RGS3: variants seen among roughly 807,000 people sequenced by gnomAD.
RGS3 encodes the protein regulator of G protein signaling 3.
Under a neutral mutation model 132.6 loss-of-function variants are expected in RGS3, and 80 were observed. That is an observed-to-expected ratio of 0.60 (90% CI 0.50 to 0.73). RGS3 has a LOEUF of 0.73. Among genes scored for constraint, RGS3 ranks in the 30% least tolerant of loss-of-function variants. The probability of loss-of-function intolerance (pLI) is 0.00; values close to 1 mark genes in which losing one functional copy is unlikely to be tolerated. For synonymous variants in RGS3, 598 were observed against 620.6 expected, an observed-to-expected ratio of 0.96 and a Z score of 0.54; for missense variants, 1,382 against 1,530.8, an observed-to-expected ratio of 0.90 and a Z score of 1.62.
At chr9:113,465,981 CAA>C (rs1358055777) in intron 3 of RGS3, among the ~76,000 whole-genome samples, 1 of 152,154 alleles carries the variant, frequency 6.6e-6, no homozygotes, top group Non-Finnish European at 1.5e-5. Flanking sequence ...TGCTTATGAG[CAA>C]AGATTCCTAT....
chr9:113,536,018 C>G (rs1393497653), intron 18 of RGS3, among the ~76,000 whole-genome samples: 1 of 152,160 alleles, frequency 6.6e-6, no homozygotes, highest in Non-Finnish European at 1.5e-5. Flanking sequence ...CAGAGCTTAC[C>G]AAGGCCATTG....
chr9:113,476,283 G>T (rs1043614653), intron 3 of RGS3, among the ~76,000 whole-genome samples: 12 of 151,964 alleles, frequency 7.9e-5, no homozygotes, highest in Admixed American at 7.9e-4. Context: ...TGGGGGTAGA[G>T]TTCTAATCTC....
At chr9:113,555,086 T>C (rs2118775359) in intron 19 of RGS3, among the ~76,000 whole-genome samples, 1 of 152,342 alleles carries the variant, frequency 6.6e-6, no homozygotes, top group South Asian at 2.1e-4. Flanking sequence ...TCTTCACTTA[T>C]CATAGACCAA....
intron 3 of RGS3, among the ~76,000 whole-genome samples, chr9:113,473,540 G>A (rs540298611): frequency 4.3e-4 from 65 of 152,140 alleles, no homozygotes; most frequent in Middle Eastern, 3.4e-3. Flanking sequence ...ACACCACCAC[G>A]TCCGGCTAAT....
At chr9:113,532,769 C>T (rs1210510858) in intron 18 of RGS3, among the ~76,000 whole-genome samples, 1 of 152,182 alleles carries the variant, frequency 6.6e-6, no homozygotes, top group Non-Finnish European at 1.5e-5. Flanking sequence ...GTGGCTCTCT[C>T]ACTGTGAGAG....
intron 6 of RGS3, 107 bp from the exon 5 acceptor site, chr9:113,485,518 T>C: frequency 2.8e-6 from 2 of 718,396 alleles, no homozygotes; most frequent in East Asian, 5.4e-5. Context: ...TTTAACCAGC[T>C]GTTGACGTTA....
chr9:113,453,384 TTATA>T (rs1165863431), intron 1 of RGS3, among the ~76,000 whole-genome samples: 1 of 68,404 alleles, frequency 1.5e-5, no homozygotes, highest in Non-Finnish European at 2.6e-5. Flanking sequence ...CATTATATGA[TTATA>T]TAATATACTC....
intron 10 of RGS3, 59 bp downstream of exon 8, chr9:113,498,139 C>A: frequency 6.5e-7 from 1 of 1,540,686 alleles, no homozygotes; most frequent in South Asian, 1.1e-5. Context: ...TTGACAGCCC[C>A]TGGGCCCGGG....
chr9:113,472,988 C>G (rs1209385357), intron 3 of RGS3, among the ~76,000 whole-genome samples: 1 of 152,156 alleles, frequency 6.6e-6, no homozygotes, highest in African/African-American at 2.4e-5. Flanking sequence ...TTACAGTGAG[C>G]TGAGATCATG....
intron 16 of RGS3, among the ~76,000 whole-genome samples, chr9:113,518,169 A>G (rs1831769629): frequency 6.6e-6 from 1 of 151,986 alleles, no homozygotes; most frequent in African/African-American, 2.4e-5. Flanking sequence ...GGAGAACTTC[A>G]TTCATCTACA....
intron 1 of RGS3, among the ~76,000 whole-genome samples, chr9:113,461,250 C>A (rs995832643): frequency 8.6e-5 from 13 of 151,936 alleles, no homozygotes; most frequent in African/African-American, 2.9e-4. Flanking sequence ...GTGGAAGAAC[C>A]CCAGGGGGTG....
chr9:113,483,799 T>A (rs961671748), intron 5 of RGS3, among the ~76,000 whole-genome samples: 3 of 152,186 alleles, frequency 2.0e-5, no homozygotes, highest in Non-Finnish European at 2.9e-5. Flanking sequence ...CAGCAGCTGC[T>A]GGGACCTTAG....
At chr9:113,478,235 C>T (rs978727302) in intron 3 of RGS3, among the ~76,000 whole-genome samples, 2 of 152,094 alleles carry the variant, frequency 1.3e-5, no homozygotes, top group Non-Finnish European at 2.9e-5. Flanking sequence ...TTCCTCCCTG[C>T]TCTTTCTCTT....
intron 19 of RGS3, among the ~76,000 whole-genome samples, chr9:113,554,086 C>A (rs1234637455): frequency 1.3e-5 from 2 of 152,240 alleles, no homozygotes; most frequent in South Asian, 2.1e-4. Flanking sequence ...ATCTCCCCAA[C>A]ACTATTGTTC....
intron 18 of RGS3, among the ~76,000 whole-genome samples, chr9:113,535,768 G>A (rs1184013464): frequency 6.6e-6 from 1 of 152,114 alleles, no homozygotes; most frequent in Non-Finnish European, 1.5e-5. Flanking sequence ...CCCTGGCTGA[G>A]TTCATCTAAT....
At chr9:113,529,231 A>G in exon 18 of RGS3, 1 of 1,613,536 alleles carries the variant, frequency 6.2e-7, no homozygotes. Context: ...GTTCTTCAGA[A>G]GACCTGAAAT....
rs1262290964 is a variant in RGS3 at position 113,546,112 on chromosome 9, ACTACACTCCTG to A, written c.2037+9197_2037+9207del. 3.3e-5 allele frequency among the ~76,000 whole-genome samples: 5 copies of A among 152,270 alleles called. No homozygotes were observed. The East Asian group carries it at 9.6e-4, about 29-fold the overall frequency. On this transcript the variant is annotated intron_variant, in intron 19 of 24. Transcript: ENST00000350696. ...GGCTTTCCAGGCTCTCCTTGGTAGC[ACTACACTCCTG>A]CTTTGCACCTGGAGCCCGGCCACAC... is the stretch of plus-strand genomic sequence containing the variant.
At chr9:113,494,677 G>A (rs1292646325) in intron 7 of RGS3, among the ~76,000 whole-genome samples, 1 of 152,156 alleles carries the variant, frequency 6.6e-6, no homozygotes, top group Admixed American at 6.5e-5. Context: ...TGTAGAGATG[G>A]TGTCTCCCTT....
At chr9:113,575,207 C>T (rs1588274974) in intron 19 of RGS3, among the ~76,000 whole-genome samples, 1 of 152,272 alleles carries the variant, frequency 6.6e-6, no homozygotes, top group African/African-American at 2.4e-5. Flanking sequence ...CTTGGTCAGG[C>T]GATAGCCAAG....
Sources: gnomAD v4.1 joint callset for allele counts (sites outside exome capture counted in the v4.1 genomes callset) on GRCh38, gnomAD v4.1.1 for gene constraint, MANE v1.5 for transcripts, NCBI Gene and HGNC (gene_info 2026-07-23, HGNC 2026-07-21) for gene names.